HDAC9: variants seen among roughly 807,000 people sequenced by gnomAD.
HDAC9 encodes histone deacetylase 9.
A neutral mutation model predicts 139.4 loss-of-function variants in HDAC9; 41 were observed. The observed-to-expected ratio is 0.29, with a 90% CI of 0.23 to 0.38. The LOEUF (loss-of-function observed/expected upper bound fraction) is 0.38, where lower values mean the gene tolerates loss of function less well. Ranked by LOEUF, HDAC9 falls within the 10% of genes least tolerant of loss-of-function variation. The probability of loss-of-function intolerance (pLI) is 1.00; values close to 1 mark genes in which losing one functional copy is unlikely to be tolerated. For synonymous variants in HDAC9, 517 were observed against 476.2 expected, an observed-to-expected ratio of 1.09 and a Z score of -1.12; for missense variants, 1,147 against 1,297.0, an observed-to-expected ratio of 0.88 and a Z score of 1.78.
intron 21 of HDAC9, among the ~76,000 whole-genome samples, chr7:18,864,759 G>T (rs143312660): frequency 6.6e-6 from 1 of 152,102 alleles, no homozygotes; most frequent in African/African-American, 2.4e-5. Flanking sequence ...GAAATGGGAA[G>T]TTATTGAGTT....
intron 1 of HDAC9, among the ~76,000 whole-genome samples, chr7:18,359,046 G>A (rs866108998): frequency 2.0e-5 from 3 of 152,332 alleles, no homozygotes; most frequent in Middle Eastern, 6.8e-3. Context: ...TCACTGCCCA[G>A]TACTTCTTTC....
At position 18,841,686 on chromosome 7, in the gene HDAC9, G is replaced by A. The variant is rs147425978; in HGVS notation, c.2684+5689G>A. Among the ~76,000 whole-genome samples, 410 of 152,138 alleles carry A rather than the reference G, an allele frequency of 2.7e-3. 1 individual carries two copies. The highest frequency in any genetic ancestry group is 9.3e-3 in the African/African-American group (388 of 41,532). ...TGGGATAACAAAACAATCATATAGCGAAAAATTCTTTGCAATGCATTTTAG... is the reference window on the plus strand; with the variant it reads ...TGGGATAACAAAACAATCATATAGCAAAAAATTCTTTGCAATGCATTTTAG... On this transcript the variant is annotated intron_variant, in intron 21 of 25. Coordinates refer to ENST00000686413, the MANE Select transcript of HDAC9 (RefSeq NM_178425.4).
intron 17 of HDAC9, among the ~76,000 whole-genome samples, chr7:18,806,201 C>G (rs1253023785): frequency 1.3e-5 from 2 of 152,182 alleles, no homozygotes; most frequent in Non-Finnish European, 1.5e-5. Flanking sequence ...TTCAATATAT[C>G]AGTGCATTAT....
intron 25 of HDAC9, among the ~76,000 whole-genome samples, chr7:18,987,934 C>T (rs560023401): frequency 4.7e-4 from 70 of 148,360 alleles, no homozygotes; most frequent in East Asian, 2.6e-3. Context: ...CATTTTTTAT[C>T]GCATCTATTT....
intron 6 of HDAC9, among the ~76,000 whole-genome samples, chr7:18,608,056 A>T (rs889903969): frequency 6.6e-6 from 1 of 152,186 alleles, no homozygotes; most frequent in African/African-American, 2.4e-5. Flanking sequence ...AGATTTATTG[A>T]AAAATGATTC....
chr7:18,460,216 A>G (rs2128109114), intron 1 of HDAC9, among the ~76,000 whole-genome samples: 1 of 152,172 alleles, frequency 6.6e-6, no homozygotes, highest in Middle Eastern at 3.4e-3. Context: ...ATAGTTGTTC[A>G]TGAGTAGAAG....
At chr7:18,337,068 AGAGT>A (rs1333820211) in intron 1 of HDAC9, among the ~76,000 whole-genome samples, 1 of 151,680 alleles carries the variant, frequency 6.6e-6, no homozygotes, top group African/African-American at 2.4e-5. Flanking sequence ...AAACAGTGAT[AGAGT>A]AAGATTATTT....
At chr7:18,399,022 A>G (rs1787302957) in intron 1 of HDAC9, among the ~76,000 whole-genome samples, 1 of 152,172 alleles carries the variant, frequency 6.6e-6, no homozygotes, top group Non-Finnish European at 1.5e-5. Flanking sequence ...CACCTTATAG[A>G]TTTTAATAAA....
chr7:18,675,129 T>C (rs1781418971), intron 12 of HDAC9, among the ~76,000 whole-genome samples: 1 of 152,060 alleles, frequency 6.6e-6, no homozygotes, highest in South Asian at 2.1e-4. Context: ...TGAATCAGCC[T>C]CCTCCTTGTG....
At chr7:18,938,557 T>C in intron 23 of HDAC9, among the ~76,000 whole-genome samples, 1 of 151,986 alleles carries the variant, frequency 6.6e-6, no homozygotes, top group Non-Finnish European at 1.5e-5. Context: ...ATGGCACCAC[T>C]GCATTCCAGC....
At chr7:18,637,685 C>A (rs1021089066) in intron 8 of HDAC9, among the ~76,000 whole-genome samples, 2 of 151,998 alleles carry the variant, frequency 1.3e-5, no homozygotes, top group Non-Finnish European at 2.9e-5. Context: ...GAACTATGAT[C>A]CAAAAGGCCA....
chr7:18,125,181 C>G (rs1291041580), intron 1 of HDAC9, among the ~76,000 whole-genome samples: 4 of 151,836 alleles, frequency 2.6e-5, no homozygotes, highest in Non-Finnish European at 5.9e-5. Flanking sequence ...ATGAGGGTAC[C>G]CCCCCATCTT....
intron 21 of HDAC9, among the ~76,000 whole-genome samples, chr7:18,865,042 C>T (rs991414101): frequency 5.3e-5 from 8 of 152,106 alleles, no homozygotes; most frequent in African/African-American, 1.9e-4. Flanking sequence ...ACTCATGGGT[C>T]ATTAAAACAA....
intron 1 of HDAC9, among the ~76,000 whole-genome samples, chr7:18,398,828 A>G (rs1481806277): frequency 1.3e-5 from 2 of 152,152 alleles, no homozygotes; most frequent in Admixed American, 1.3e-4. Flanking sequence ...ATAATGGAAA[A>G]TGCAACTTGA....
intron 22 of HDAC9, among the ~76,000 whole-genome samples, chr7:18,909,531 A>G (rs1042453415): frequency 6.6e-6 from 1 of 152,024 alleles, no homozygotes; most frequent in Admixed American, 6.6e-5. Flanking sequence ...TGGGTGTTCC[A>G]TTTAAGTAAT....
intron 1 of HDAC9, among the ~76,000 whole-genome samples, chr7:18,291,734 C>T (rs1441005348): frequency 6.6e-6 from 1 of 152,104 alleles, no homozygotes; most frequent in Non-Finnish European, 1.5e-5. Flanking sequence ...CTTGCTTTCC[C>T]CCACCAGCTC....
intron 13 of HDAC9, among the ~76,000 whole-genome samples, chr7:18,733,037 A>G (rs1312626909): frequency 6.8e-6 from 1 of 146,216 alleles, no homozygotes; most frequent in African/African-American, 2.5e-5. Flanking sequence ...GTATATATAC[A>G]GATATACATA....
At chr7:18,824,935 T>A (rs1330622458) in intron 17 of HDAC9, among the ~76,000 whole-genome samples, 3 of 152,138 alleles carry the variant, frequency 2.0e-5, no homozygotes, top group East Asian at 3.9e-4. Flanking sequence ...TCAACAGGAA[T>A]TTGTCATGAA....
intron 22 of HDAC9, among the ~76,000 whole-genome samples, chr7:18,875,733 G>T (rs1160827694): frequency 6.6e-6 from 1 of 152,120 alleles, no homozygotes; most frequent in Non-Finnish European, 1.5e-5. Context: ...TTAAATGTCT[G>T]TATGGCCTTT....
Sources: allele counts gnomAD v4.1 joint callset (sites outside exome capture counted in the v4.1 genomes callset), GRCh38; gene constraint gnomAD v4.1.1; transcripts MANE v1.5; gene names NCBI Gene and HGNC (gene_info 2026-07-23, HGNC 2026-07-21).